NTRK3: variants seen among roughly 807,000 people sequenced by gnomAD.
NTRK3 encodes the protein NT-3 growth factor receptor.
NTRK3 carries 24 observed loss-of-function variants against 91.7 expected under a neutral mutation model. That is an observed-to-expected ratio of 0.26 (90% CI 0.19 to 0.37). The LOEUF (loss-of-function observed/expected upper bound fraction) is 0.37, where lower values mean the gene tolerates loss of function less well. NTRK3 is among the 10% of genes least tolerant of loss of function. NTRK3 has a pLI of 1.00. For missense variants in NTRK3, 880 were observed against 1,068.9 expected, an observed-to-expected ratio of 0.82 and a Z score of 2.46; for synonymous variants, 483 against 404.0, an observed-to-expected ratio of 1.20 and a Z score of -2.34.
rs117780208 is a variant in NTRK3 at position 88,136,213 on chromosome 15, G to A, written c.766-173C>T. 4.0e-3 allele frequency among the ~76,000 whole-genome samples: 614 copies of A among 152,338 alleles called. 4 individuals carry two copies. Among genetic ancestry groups the A allele is most frequent in the Middle Eastern group, 0.01 (3 of 294 alleles). ...AGGCTCCTCATAGGCAATAGTTCAG[G>A]CCATCCTCCTATTAACCCTATGAGG... On this transcript the variant is annotated intron_variant, in intron 8 of 18. Transcript: ENST00000394480.
At chr15:87,976,518 G>A (rs113057744) in intron 14 of NTRK3, among the ~76,000 whole-genome samples, 4,576 of 152,112 alleles carry the variant, frequency 0.03, 236 homozygotes, top group African/African-American at 0.1. Context: ...TTCCCGGCCC[G>A]CATTCTCCAC....
At chr15:87,883,680 A>G (rs1412934649) in intron 17 of NTRK3, among the ~76,000 whole-genome samples, 1 of 151,184 alleles carries the variant, frequency 6.6e-6, no homozygotes, top group African/African-American at 2.4e-5. Flanking sequence ...TCAAAGGAAA[A>G]CTGGAATTCC....
chr15:88,112,167 A>C lies in NTRK3; in HGVS notation c.1396+14104T>G, dbSNP rs149857703. Among the ~76,000 whole-genome samples the C allele has an allele frequency of 3.8e-3, 573 of 152,184 alleles. 2 individuals carry two copies. Among genetic ancestry groups the C allele is most frequent in the Admixed American group, 0.01 (157 of 15,294 alleles). Reference sequence around the variant, plus strand: ...GTGATCCGCCCGCCTTGGCCTCCCAAAGTGCTAGGATTACAGGCGTGAGCC... The same window carrying C: ...GTGATCCGCCCGCCTTGGCCTCCCACAGTGCTAGGATTACAGGCGTGAGCC... On this transcript the variant is annotated intron_variant, in intron 13 of 18. Transcript: ENST00000394480.
At chr15:88,139,069 C>T (rs1307413594) in intron 6 of NTRK3, among the ~76,000 whole-genome samples, 1 of 152,194 alleles carries the variant, frequency 6.6e-6, no homozygotes, top group East Asian at 1.9e-4. Flanking sequence ...TGGCCATGGG[C>T]TGAGTGCTGC....
intron 17 of NTRK3, among the ~76,000 whole-genome samples, chr15:87,885,253 G>A (rs999062266): frequency 1.3e-5 from 2 of 151,864 alleles, no homozygotes; most frequent in Non-Finnish European, 3.0e-5. Context: ...AAACATAAAA[G>A]AGGATCTGAA....
At chr15:88,081,233 C>A (rs2048013694) in intron 13 of NTRK3, among the ~76,000 whole-genome samples, 1 of 152,092 alleles carries the variant, frequency 6.6e-6, no homozygotes, top group Non-Finnish European at 1.5e-5. Flanking sequence ...AGCCTTAGGG[C>A]CTGGATCCAA....
At chr15:88,058,296 G>A (rs1029129045) in intron 13 of NTRK3, among the ~76,000 whole-genome samples, 2 of 152,164 alleles carry the variant, frequency 1.3e-5, no homozygotes, top group African/African-American at 2.4e-5. Flanking sequence ...AGAGGCCTTG[G>A]GGAGGTTACT....
chr15:87,931,948 G>A (rs528139714), intron 16 of NTRK3, among the ~76,000 whole-genome samples: 3 of 152,354 alleles, frequency 2.0e-5, no homozygotes, highest in Admixed American at 6.5e-5. Flanking sequence ...GGTGGTCGCA[G>A]AGGCCACACC....
At chr15:87,936,324 A>G (rs1406020468) in intron 15 of NTRK3, among the ~76,000 whole-genome samples, 1 of 152,092 alleles carries the variant, frequency 6.6e-6, no homozygotes, top group Non-Finnish European at 1.5e-5. Context: ...TCTTTCTTCC[A>G]AAGTTTGGGG....
At position 88,049,040 on chromosome 15, in the gene NTRK3, A is replaced by G. The variant is rs556890592; in HGVS notation, c.1397-15995T>C. Among the ~76,000 whole-genome samples the G allele has an allele frequency of 2.0e-5, 3 of 152,350 alleles. No homozygotes were observed. The South Asian group carries it at 6.2e-4, about 32-fold the overall frequency. ...GGCAAATGAGGAATCAGAGAAGGAT[A>G]TATTTTAAGATCTGGTGAGGTGTGT... On this transcript the variant is annotated intron_variant, in intron 13 of 18. Coordinates refer to ENST00000394480, the Ensembl canonical transcript of NTRK3.
chr15:87,938,037 G>A (rs896058726), intron 15 of NTRK3, among the ~76,000 whole-genome samples: 2 of 152,172 alleles, frequency 1.3e-5, no homozygotes, highest in East Asian at 1.9e-4. Context: ...GGTTGACTGG[G>A]TTTGAATGCT....
chr15:87,917,422 G>A (rs2067522650), intron 17 of NTRK3, among the ~76,000 whole-genome samples: 1 of 152,154 alleles, frequency 6.6e-6, no homozygotes, highest in South Asian at 2.1e-4. Context: ...TGAAATAGAT[G>A]ACATTTAAGG....
chr15:88,141,125 C>A (rs898278567), intron 6 of NTRK3, among the ~76,000 whole-genome samples: 4 of 151,998 alleles, frequency 2.6e-5, no homozygotes, highest in Non-Finnish European at 5.9e-5. Flanking sequence ...AGGGACAGAC[C>A]AAGGTCCTAG....
At chr15:88,112,410 C>A (rs2051508714) in intron 13 of NTRK3, among the ~76,000 whole-genome samples, 1 of 152,154 alleles carries the variant, frequency 6.6e-6, no homozygotes, top group Non-Finnish European at 1.5e-5. Context: ...AACCATGAGC[C>A]CCAGAGGCTG....
intron 17 of NTRK3, among the ~76,000 whole-genome samples, chr15:87,884,113 G>T: frequency 7.4e-6 from 1 of 134,962 alleles, no homozygotes; most frequent in African/African-American, 2.7e-5. Context: ...CCAGCCAAAA[G>T]GAAAATAAAA....
At chr15:88,081,127 T>A (rs547469515) in intron 13 of NTRK3, among the ~76,000 whole-genome samples, 1 of 152,250 alleles carries the variant, frequency 6.6e-6, no homozygotes, top group South Asian at 2.1e-4. Flanking sequence ...AAGAAAACTG[T>A]TTCCCAAAGC....
chr15:88,086,725 G>A (rs2048536071), intron 13 of NTRK3, among the ~76,000 whole-genome samples: 3 of 152,202 alleles, frequency 2.0e-5, no homozygotes. Flanking sequence ...GTGCAGTTTG[G>A]AGTACGCAGG....
Position 88,130,581 on chromosome 15 carries a change from G to A in NTRK3, c.1205-1847C>T, listed in dbSNP as rs78195267. 5.6e-3 allele frequency among the ~76,000 whole-genome samples: 854 copies of A among 152,134 alleles called. 3 individuals carry two copies. Among genetic ancestry groups the A allele is most frequent in the Non-Finnish European group, 0.01 (681 of 68,000 alleles). ...TATCGACATCACGCGCCCCCGAAAC[G>A]ATGCACTGAGAGGGCAGAGCATCAC... On this transcript the variant is annotated intron_variant, in intron 10 of 18. Coordinates refer to ENST00000394480, the Ensembl canonical transcript of NTRK3.
chr15:88,044,353 CG>C (rs376572203), intron 13 of NTRK3, among the ~76,000 whole-genome samples: 325 of 150,504 alleles, frequency 2.2e-3, no homozygotes, highest in African/African-American at 7.4e-3. Context: ...CTCTGCCTCC[CG>C]GGTTCACTCC....
Sources: gnomAD v4.1 joint callset for allele counts (sites outside exome capture counted in the v4.1 genomes callset) on GRCh38, gnomAD v4.1.1 for gene constraint, MANE v1.5 for transcripts, NCBI Gene and HGNC (gene_info 2026-07-23, HGNC 2026-07-21) for gene names.